The following UBN1 variants were observed in gnomAD, a reference collection of about 807,000 sequenced individuals.
UBN1 encodes the protein ubinuclein 1.
A neutral mutation model predicts 108.5 loss-of-function variants in UBN1; 17 were observed. That is an observed-to-expected ratio of 0.16 (90% confidence interval 0.11 to 0.24). The LOEUF is 0.24. Among genes scored for constraint, UBN1 ranks in the 10% least tolerant of loss-of-function variants. UBN1 has a pLI of 1.00. For missense variants in UBN1, 1,595 were observed against 1,394.4 expected, an observed-to-expected ratio of 1.14 and a Z score of -2.29; for synonymous variants, 726 against 564.2, an observed-to-expected ratio of 1.29 and a Z score of -4.07.
intron 2 of UBN1, 83 bp downstream of exon 2, chr16:4,853,249 G>A: frequency 4.6e-6 from 7 of 1,527,856 alleles, no homozygotes; most frequent in South Asian, 1.3e-5. Flanking sequence ...TAGCGGGGAA[G>A]CAAGACTTAA....
At chr16:4,872,225 C>G in intron 12 of UBN1, 6 of 985,348 alleles carry the variant, frequency 6.1e-6, no homozygotes, top group Non-Finnish European at 7.2e-6. Flanking sequence ...TTGAGTTTCT[C>G]TGGACAAAGA....
At chr16:4,856,939 G>A (rs1026796473) in intron 2 of UBN1, among the ~76,000 whole-genome samples, 4 of 152,214 alleles carry the variant, frequency 2.6e-5, no homozygotes, top group Admixed American at 6.5e-5. Flanking sequence ...GCAGAGATGG[G>A]AGGGTGAGAT....
intron 7 of UBN1, among the ~76,000 whole-genome samples, chr16:4,861,873 C>T (rs949971597): frequency 2.0e-5 from 3 of 152,180 alleles, no homozygotes; most frequent in Admixed American, 2.0e-4. Flanking sequence ...ACCCAGGAGG[C>T]GGAGGTTGTG....
chr16:4,864,821 C>G (rs1309759310), intron 7 of UBN1, among the ~76,000 whole-genome samples: 2 of 152,010 alleles, frequency 1.3e-5, no homozygotes, highest in African/African-American at 2.4e-5. Context: ...CCCCTCATCA[C>G]AAGAAGTGCA....
Position 4,881,964 on chromosome 16 carries a change from T to C in UBN1, c.*1832T>C, listed in dbSNP as rs987959387. On this transcript the variant is annotated 3_prime_UTR_variant, in exon 18 of 18. Coordinates refer to ENST00000262376, the MANE Select transcript of UBN1 (RefSeq NM_001079514.3). ...GGTGCTCCCTCCTCCCCACGTACCA[T>C]TGCGCGTGCAGCTGGAGCAGAATAC... 6 of 151,998 alleles carry C rather than the reference T, an allele frequency of 3.9e-5. No homozygotes were observed. Among genetic ancestry groups the C allele is most frequent in the Non-Finnish European group, 8.8e-5 (6 of 68,008 alleles). 9.4% of individuals were successfully genotyped at this position (151,998 alleles called of 1,614,324 possible). A position where few individuals can be genotyped will look rare whatever the true frequency, so the allele number is the denominator to read the frequency against.
intron 7 of UBN1, 46 bp downstream of exon 7, chr16:4,861,148 C>T: frequency 6.4e-7 from 1 of 1,561,508 alleles, no homozygotes; most frequent in East Asian, 2.3e-5. Flanking sequence ...GCAGTTTGGG[C>T]AGATTGCTGT....
chr16:4,873,211 T>C (rs1383935358), intron 14 of UBN1, 138 bp downstream of exon 14: 2 of 1,282,100 alleles, frequency 1.6e-6, no homozygotes, highest in African/African-American at 1.5e-5. Context: ...ATTCTTGAAG[T>C]CATAACAGGA....
At chr16:4,862,829 T>G (rs1041346779) in intron 7 of UBN1, among the ~76,000 whole-genome samples, 24 of 152,222 alleles carry the variant, frequency 1.6e-4, no homozygotes, top group Admixed American at 8.5e-4. Context: ...GTAAACACCT[T>G]GTTAGGCAAG....
intron 1 of UBN1, among the ~76,000 whole-genome samples, chr16:4,851,045 G>C (rs1239752485): frequency 6.6e-6 from 1 of 152,218 alleles, no homozygotes; most frequent in Non-Finnish European, 1.5e-5. Context: ...ACAGGCCTTA[G>C]ATATCTGTGA....
At chr16:4,849,687 G>A (rs2086445618) in intron 1 of UBN1, among the ~76,000 whole-genome samples, 2 of 151,150 alleles carry the variant, frequency 1.3e-5, no homozygotes, top group African/African-American at 4.9e-5. Context: ...GACCTTCCCA[G>A]TCTAAAGCCA....
rs189669292 is a variant in UBN1 at position 4,876,565 on chromosome 16, T to G, written c.3025-306T>G. 3.8e-3 allele frequency among the ~76,000 whole-genome samples: 579 copies of G among 152,114 alleles called. 7 individuals carry two copies. Among genetic ancestry groups the G allele is most frequent in the African/African-American group, 0.014 (565 of 41,488 alleles). On this transcript the variant is annotated intron_variant, in intron 15 of 17. Transcript: ENST00000262376. ...TTTTTTGAGACAGAGTCTGGCTCTG[T>G]CACCTAGGCTGGACTGCAGTAGCGC...
At position 4,877,977 on chromosome 16, in the gene UBN1, CTT is replaced by C. The variant is rs2142298129; in HGVS notation, c.3355+505_3355+506del. Among the ~76,000 whole-genome samples, 1 of 152,216 alleles carries C rather than the reference CTT, an allele frequency of 6.6e-6. No individual in the cohort carries two copies. Among genetic ancestry groups the C allele is most frequent in the East Asian group, 1.9e-4 (1 of 5,176 alleles). On this transcript the variant is annotated intron_variant, in intron 17 of 17. Transcript: ENST00000262376. This position sits in a 1 kb window ranked among gnomAD's most constrained non-coding sequence, Gnocchi z 4.3. ...AGCAGCCAGAGGCCACAGTGCAAGA[CTT>C]TGAGAGGAGCAGCTTTAAATCTGTC...
chr16:4,854,542 A>C (rs552304336), intron 2 of UBN1, among the ~76,000 whole-genome samples: 2 of 138,146 alleles, frequency 1.4e-5, no homozygotes, highest in African/African-American at 5.5e-5. Context: ...TTTTTAGTAG[A>C]GATGGGGTTT....
intron 12 of UBN1, chr16:4,872,351 T>G (rs1178173298): frequency 1.0e-6 from 1 of 985,168 alleles, no homozygotes; most frequent in East Asian, 1.1e-4. Flanking sequence ...CCATACATTT[T>G]CTTGGTAAAG....
Position 4,877,329 on chromosome 16 carries a change from G to T in UBN1, c.3266-56G>T. On this transcript the variant is annotated intron_variant, in intron 16 of 17. Coordinates refer to ENST00000262376, the MANE Select transcript of UBN1 (RefSeq NM_001079514.3). The surrounding 1 kb of genome is among the most constrained non-coding windows in gnomAD (Gnocchi z 4.3). The stretch of plus-strand genomic sequence containing the variant: ...TTTTGGCTGCTGGAGCTGCTTTCCT[G>T]TTCCTGTCTTCAATGTGTGTGTTTT... 1.9e-6 allele frequency: 3 copies of T among 1,572,732 alleles called. No homozygotes were observed. The South Asian group carries it at 3.5e-5, about 18-fold the overall frequency.
rs1329141992 is a variant in UBN1 at position 4,881,071 on chromosome 16, A to G, written c.*939A>G. ...GGGCCCCCAAATTCCAAGTCCCAGT[A>G]TAGCCAGGGCTCCCATTTTGTTTTT... On this transcript the variant is annotated 3_prime_UTR_variant, in exon 18 of 18. Transcript: ENST00000262376. 6.6e-6 allele frequency: 1 copy of G among 152,612 alleles called. No individual in the cohort carries two copies. Among genetic ancestry groups the G allele is most frequent in the Admixed American group, 6.5e-5 (1 of 15,276 alleles). The allele number at this position is 152,612 out of a possible 1,614,324, so 9.5% of individuals were successfully genotyped here.
rs1300558181 is a variant in UBN1, at chr16:4,870,535, C to A, written c.1331C>A (p.Pro444His). Residue 444 changes from proline (P) to histidine (H), a missense_variant, in exon 10 of 18, where the codon CCT becomes CAT. By Grantham distance (77) the Pro-to-His change is moderately conservative (BLOSUM62 -2). This residue lies in a region of UBN1 where 1,398 missense variants were observed against 1,194.7 expected (regional missense o/e 1.17). Transcript: ENST00000262376. ...TCGCAGGGGGGCCGTCTGAAGGAGC[C>A]TCTCCAGAAGCTCAAGGAAGCCATT... ...LYEQGGRLKE[P>H]LQKLKEAIGR... 1.2e-6 allele frequency: 2 copies of A among 1,614,134 alleles called. No individual in the cohort carries two copies. Among genetic ancestry groups the A allele is most frequent in the Non-Finnish European group, 1.7e-6 (2 of 1,180,046 alleles).
Position 4,877,248 on chromosome 16 carries a change from C to A in UBN1, c.3265+137C>A. 1 of 1,506,730 alleles carries A rather than the reference C, an allele frequency of 6.6e-7. No homozygotes were observed. The highest frequency in any genetic ancestry group is 8.9e-7 in the Non-Finnish European group (1 of 1,125,366). 93.3% of individuals were successfully genotyped at this position (1,506,730 alleles called of 1,614,324 possible). On this transcript the variant is annotated intron_variant, in intron 16 of 17. Transcript: ENST00000262376. The surrounding 1 kb of genome is among the most constrained non-coding windows in gnomAD (Gnocchi z 4.3). Reference sequence around the variant, plus strand: ...GAACATCTCCGGGAACTGTGCCAAGCCCCCACTGCCCCTTTGGGTGTGGTG... The same window carrying A: ...GAACATCTCCGGGAACTGTGCCAAGACCCCACTGCCCCTTTGGGTGTGGTG...
chr16:4,874,059 G>A, intron 14 of UBN1, 152 bp from the exon 15 acceptor site: 3 of 977,780 alleles, frequency 3.1e-6, no homozygotes, highest in Non-Finnish European at 4.4e-6. Context: ...GTCAAGGCGG[G>A]CACAGCTCCT....
Sources: allele counts gnomAD v4.1 joint callset (sites outside exome capture counted in the v4.1 genomes callset), GRCh38; gene constraint gnomAD v4.1.1; regional missense constraint gnomAD v4.1.1; non-coding constraint Gnocchi (gnomAD v3.1); transcripts MANE v1.5; gene names NCBI Gene and HGNC (gene_info 2026-07-23, HGNC 2026-07-21).